The following NFYC variants were observed in gnomAD, a reference collection of about 807,000 sequenced individuals.
The protein encoded by NFYC is CAAT box DNA-binding protein subunit C.
A neutral mutation model predicts 53.1 loss-of-function variants in NFYC; 25 were observed. That is an observed-to-expected ratio of 0.47 (90% CI 0.34 to 0.66). The LOEUF (loss-of-function observed/expected upper bound fraction) is 0.66, where lower values mean the gene tolerates loss of function less well. Among genes scored for constraint, NFYC ranks in the 30% least tolerant of loss-of-function variants. NFYC has a pLI of 0.01. For synonymous variants in NFYC, 145 were observed against 152.6 expected, an observed-to-expected ratio of 0.95 and a Z score of 0.37; for missense variants, 260 against 422.7, an observed-to-expected ratio of 0.62 and a Z score of 3.38.
chr1:40,703,925 A>C (rs562247726), intron 1 of NFYC, among the ~76,000 whole-genome samples: 1 of 152,332 alleles, frequency 6.6e-6, no homozygotes, highest in East Asian at 1.9e-4. Context: ...GAAATGGTTA[A>C]GTATCTTGGC....
intron 6 of NFYC, among the ~76,000 whole-genome samples, chr1:40,762,096 A>G (rs534629175): frequency 6.9e-4 from 105 of 152,350 alleles, no homozygotes; most frequent in African/African-American, 2.4e-3. Context: ...TAGGACTACA[A>G]CCATTGTGTG....
intron 6 of NFYC, 67 bp downstream of exon 6, chr1:40,758,361 C>A: frequency 6.7e-7 from 1 of 1,484,190 alleles, no homozygotes; most frequent in East Asian, 2.4e-5. Context: ...ATGGGCAGAG[C>A]TTGATGAGGG....
rs967130567 is a variant in NFYC at position 40,726,125 on chromosome 1, G to GT, written c.-8-12702dup. On this transcript the variant is annotated intron_variant, in intron 1 of 9. Transcript: ENST00000447388. ...TATGTGTTTGTGTGTGTGTGTGTGT[G>GT]TTTTTTTTTGAGATGGAGTTTCGCT... Among the ~76,000 whole-genome samples the GT allele has an allele frequency of 2.5e-4, 31 of 126,476 alleles. No individual in the cohort carries two copies. In the East Asian group the frequency reaches 3.3e-3, roughly 13 times the overall value. 83.0% of individuals were successfully genotyped at this position (126,476 alleles called of 152,430 possible).
At position 40,770,892 on chromosome 1, in the gene NFYC, G is replaced by C. The variant is rs1647056661; in HGVS notation, c.*64G>C. ...TTTTGCCATACAGCCCCAGGCAATG[G>C]GCACAGCCTTCCTCCCCAGAGGACC... is the stretch of plus-strand genomic sequence containing the variant. On this transcript the variant is annotated 3_prime_UTR_variant, in exon 10 of 10. Transcript: ENST00000447388. The surrounding 1 kb of genome is among the most constrained non-coding windows in gnomAD (Gnocchi z 5.3). The C allele has an allele frequency of 6.4e-7, 1 of 1,562,622 alleles. No individual in the cohort carries two copies. The highest frequency in any genetic ancestry group is 1.3e-5 in the African/African-American group (1 of 74,250).
In NFYC at chr1:40,770,336, G is replaced by A; in HGVS notation, c.889-373G>A. ...CTGCCAGTGTAGATTACCAAGAGTTGGGGAAATGCTGACTTCCAAGCTGCT... is the reference window on the plus strand; with the variant it reads ...CTGCCAGTGTAGATTACCAAGAGTTAGGGAAATGCTGACTTCCAAGCTGCT... On this transcript the variant is annotated intron_variant, in intron 9 of 9. Transcript: ENST00000447388. The surrounding 1 kb of genome is among the most constrained non-coding windows in gnomAD (Gnocchi z 5.3). 1 of 1,463,898 alleles carries A rather than the reference G, an allele frequency of 6.8e-7. No homozygotes were observed. The highest frequency in any genetic ancestry group is 9.2e-7 in the Non-Finnish European group (1 of 1,085,618). The allele number at this position is 1,463,898 out of a possible 1,614,324, so 90.7% of individuals were successfully genotyped here.
chr1:40,711,005 G>A (rs1024719731), intron 1 of NFYC, among the ~76,000 whole-genome samples: 1 of 152,086 alleles, frequency 6.6e-6, no homozygotes, highest in Non-Finnish European at 1.5e-5. Flanking sequence ...GAATTTTCAG[G>A]GAATAAGACA....
intron 2 of NFYC, among the ~76,000 whole-genome samples, chr1:40,744,416 A>C (rs1219741622): frequency 1.3e-5 from 2 of 152,188 alleles, no homozygotes; most frequent in African/African-American, 4.8e-5. Flanking sequence ...CATTGATTTC[A>C]AAGGGTTGAG....
chr1:40,735,111 G>A (rs1269209038), intron 1 of NFYC: 1 of 151,862 alleles, frequency 6.6e-6, no homozygotes, highest in African/African-American at 2.4e-5. Context: ...GAATCACCCG[G>A]GGTTGGGCAG....
chr1:40,758,297 C>T lies in NFYC; in HGVS notation c.561+3C>T, dbSNP rs551972341. Reference sequence around the variant, plus strand: ...TCGCACAGCCTCAGCAGGGCCAGGTCTGTGAGCTGCTGAGGATGCCCATCC... The same window carrying T: ...TCGCACAGCCTCAGCAGGGCCAGGTTTGTGAGCTGCTGAGGATGCCCATCC... On this transcript the variant is annotated splice_donor_region_variant and intron_variant, in intron 6 of 9. Coordinates refer to ENST00000447388, the MANE Select transcript of NFYC (RefSeq NM_014223.5). 6 of 1,601,308 alleles carry T rather than the reference C, an allele frequency of 3.7e-6. No individual in the cohort carries two copies. The highest frequency in any genetic ancestry group is 5.1e-6 in the Non-Finnish European group (6 of 1,172,356).
intron 7 of NFYC, chr1:40,763,251 T>C (rs991246296): frequency 2.2e-6 from 1 of 460,220 alleles, no homozygotes; most frequent in Admixed American, 3.3e-5. Context: ...TTGATATGTA[T>C]ATCTATAGCT....
intron 1 of NFYC, among the ~76,000 whole-genome samples, chr1:40,696,022 C>CTG (rs1643115417): frequency 1.0e-5 from 1 of 96,038 alleles, no homozygotes; most frequent in Non-Finnish European, 2.1e-5. Context: ...ATTTGTAATT[C>CTG]TGTTTTTTTT....
intron 1 of NFYC, among the ~76,000 whole-genome samples, chr1:40,708,994 C>T (rs960495572): frequency 2.0e-5 from 3 of 152,212 alleles, no homozygotes; most frequent in Non-Finnish European, 4.4e-5. Context: ...AATAAGAAAT[C>T]CCGTGGGTGG....
intron 6 of NFYC, among the ~76,000 whole-genome samples, chr1:40,761,069 C>T (rs896492655): frequency 1.8e-4 from 28 of 152,198 alleles, no homozygotes; most frequent in African/African-American, 6.8e-4. Context: ...GCACACCATA[C>T]ATGATTTGAC....
At chr1:40,755,790 G>C (rs1557892857) in intron 5 of NFYC, among the ~76,000 whole-genome samples, 1 of 152,202 alleles carries the variant, frequency 6.6e-6, no homozygotes, top group Non-Finnish European at 1.5e-5. Flanking sequence ...TTCATAAACA[G>C]TTTAAGAGGA....
intron 1 of NFYC, among the ~76,000 whole-genome samples, chr1:40,725,080 A>AC (rs1644462296): frequency 6.6e-6 from 1 of 152,218 alleles, no homozygotes; most frequent in Middle Eastern, 3.2e-3. Flanking sequence ...AGTAAATATG[A>AC]CCAGCTGGTA....
intron 1 of NFYC, among the ~76,000 whole-genome samples, chr1:40,718,994 C>T (rs1259146135): frequency 6.6e-6 from 1 of 152,184 alleles, no homozygotes. Flanking sequence ...GCCTCAGCCT[C>T]CCGAGTAGCT....
intron 7 of NFYC, among the ~76,000 whole-genome samples, chr1:40,765,846 T>C (rs577831808): frequency 6.6e-5 from 10 of 152,362 alleles, no homozygotes; most frequent in Non-Finnish European, 1.5e-4. Context: ...TTAAGGCTTT[T>C]AGCACACAAT....
chr1:40,749,675 C>T lies in NFYC; in HGVS notation c.280C>T (p.Arg94Trp). 1 of 1,613,864 alleles carries T rather than the reference C, an allele frequency of 6.2e-7. No individual in the cohort carries two copies. The highest frequency in any genetic ancestry group is 8.5e-7 in the Non-Finnish European group (1 of 1,179,796). ...GATTCACACAGAAGATAACAAGCGC[C>T]GGACTCTACAGGTATTATTGCAGAC... ...AWIHTEDNKR[R>W]TLQRNDIAMA... The change falls in exon 4 of 10, where the codon CGG becomes TGG. Residue 94 changes from arginine (R) to tryptophan (W), a missense_variant. Coordinates refer to ENST00000447388, the MANE Select transcript of NFYC (RefSeq NM_014223.5).
At chr1:40,761,063 AC>A (rs1646519771) in intron 6 of NFYC, among the ~76,000 whole-genome samples, 1 of 152,232 alleles carries the variant, frequency 6.6e-6, no homozygotes, top group Admixed American at 6.5e-5. Context: ...AGCAGGGCAC[AC>A]CATACATGAT....
Sources: allele counts gnomAD v4.1 joint callset (sites outside exome capture counted in the v4.1 genomes callset), GRCh38; gene constraint gnomAD v4.1.1; non-coding constraint Gnocchi (gnomAD v3.1); transcripts MANE v1.5; gene names NCBI Gene and HGNC (gene_info 2026-07-23, HGNC 2026-07-21).